Variants in EYS observed in about 807,000 individuals in gnomAD.
The protein encoded by EYS is EGF-like photoreceptor maintenance factor, also known as protein eyes shut homolog.
A neutral mutation model predicts 282.1 loss-of-function variants in EYS; 250 were observed. The ratio of observed to expected loss-of-function variants is 0.89; its 90% CI spans 0.80 to 0.98. EYS has a LOEUF of 0.98. Among genes scored for constraint, EYS ranks in the 50% least tolerant of loss-of-function variants. The pLI is 0.00. For missense variants in EYS, 4,016 were observed against 3,709.0 expected, an observed-to-expected ratio of 1.08 and a Z score of -2.15; for synonymous variants, 1,355 against 1,282.9, an observed-to-expected ratio of 1.06 and a Z score of -1.20.
chr6:65,232,243 A>C (rs1766801307), intron 12 of EYS, among the ~76,000 whole-genome samples: 1 of 152,012 alleles, frequency 6.6e-6, no homozygotes, highest in Admixed American at 6.6e-5. Context: ...GTGCAGATAT[A>C]ATGTCCAAAA....
intron 22 of EYS, among the ~76,000 whole-genome samples, chr6:64,746,735 T>A (rs1023839755): frequency 1.3e-5 from 2 of 152,238 alleles, no homozygotes; most frequent in African/African-American, 4.8e-5. Flanking sequence ...TATAGGCTGA[T>A]GTGCTTTTGT....
intron 35 of EYS, among the ~76,000 whole-genome samples, chr6:63,955,581 G>T (rs1023679510): frequency 5.9e-5 from 9 of 151,960 alleles, no homozygotes; most frequent in African/African-American, 1.9e-4. Flanking sequence ...ACAAACAATT[G>T]CTGGCTTTGC....
intron 30 of EYS, among the ~76,000 whole-genome samples, chr6:64,255,862 T>G (rs1767381487): frequency 6.6e-6 from 1 of 152,066 alleles, no homozygotes; most frequent in Admixed American, 6.6e-5. Flanking sequence ...ACATTTATTA[T>G]GAAAAATTTT....
intron 31 of EYS, among the ~76,000 whole-genome samples, chr6:64,126,625 A>G (rs78333637): frequency 0.035 from 5,274 of 152,130 alleles, 266 homozygotes; most frequent in African/African-American, 0.11. Context: ...CCAGAGCTCT[A>G]TCAGCTTCTT....
chr6:65,391,201 C>A (rs1766015758), intron 7 of EYS, among the ~76,000 whole-genome samples: 1 of 151,892 alleles, frequency 6.6e-6, no homozygotes, highest in Admixed American at 6.6e-5. Flanking sequence ...TTTAGGGGGC[C>A]AGATTACAGG....
chr6:65,000,339 A>G (rs1374315791), intron 13 of EYS, among the ~76,000 whole-genome samples: 1 of 152,232 alleles, frequency 6.6e-6, no homozygotes, highest in Non-Finnish European at 1.5e-5. Context: ...AAATTTTCTT[A>G]AAATAGGCCT....
chr6:64,276,021 AGC>A (rs2150359662), intron 30 of EYS, among the ~76,000 whole-genome samples: 1 of 151,978 alleles, frequency 6.6e-6, no homozygotes, highest in East Asian at 2.0e-4. Flanking sequence ...CTACTGTTAT[AGC>A]TTCTTATCTC....
At chr6:64,626,667 G>A (rs996162229) in intron 22 of EYS, among the ~76,000 whole-genome samples, 2 of 152,134 alleles carry the variant, frequency 1.3e-5, no homozygotes, top group African/African-American at 4.8e-5. Flanking sequence ...GCTGGAAGAG[G>A]AAAGATAAGA....
At chr6:65,137,302 A>G (rs1275204878) in intron 12 of EYS, among the ~76,000 whole-genome samples, 3 of 152,114 alleles carry the variant, frequency 2.0e-5, no homozygotes, top group African/African-American at 7.2e-5. Flanking sequence ...TCAGAGAAGA[A>G]GCAGTGCGGA....
At chr6:64,769,490 A>C (rs1773459638) in intron 22 of EYS, among the ~76,000 whole-genome samples, 1 of 152,094 alleles carries the variant, frequency 6.6e-6, no homozygotes, top group Non-Finnish European at 1.5e-5. Context: ...CTATGTAATA[A>C]CTATTGCTAG....
At chr6:64,419,356 C>A (rs373124200) in intron 28 of EYS, among the ~76,000 whole-genome samples, 48 of 152,238 alleles carry the variant, frequency 3.2e-4, no homozygotes, top group South Asian at 1.9e-3. Flanking sequence ...TGGGTGAGGA[C>A]ACAGCCAAAT....
At chr6:64,566,273 A>G (rs1389454760) in intron 26 of EYS, among the ~76,000 whole-genome samples, 2 of 152,184 alleles carry the variant, frequency 1.3e-5, no homozygotes, top group African/African-American at 2.4e-5. Context: ...TCTTGTATAC[A>G]GGAAAGAAAA....
At chr6:65,270,339 C>T (rs975420995) in intron 12 of EYS, among the ~76,000 whole-genome samples, 56 of 152,234 alleles carry the variant, frequency 3.7e-4, no homozygotes, top group African/African-American at 1.3e-3. Context: ...GGGTAGGTGT[C>T]CTGCCTTCCA....
At chr6:64,941,320 C>T (rs973256566) in intron 15 of EYS, among the ~76,000 whole-genome samples, 11 of 151,896 alleles carry the variant, frequency 7.2e-5, no homozygotes, top group Non-Finnish European at 1.5e-4. Flanking sequence ...GTGGAGGTTG[C>T]AGTGAGCCAA....
chr6:63,981,813 C>A (rs1229537202), intron 35 of EYS, among the ~76,000 whole-genome samples: 1 of 151,834 alleles, frequency 6.6e-6, no homozygotes, highest in African/African-American at 2.4e-5. Context: ...TCCTGAAGAG[C>A]TGATAGAGCT....
intron 2 of EYS, among the ~76,000 whole-genome samples, chr6:65,531,931 C>A (rs1767784987): frequency 6.6e-6 from 1 of 152,042 alleles, no homozygotes; most frequent in South Asian, 2.1e-4. Context: ...GATGTAAATT[C>A]TTTGAACCTA....
At chr6:64,789,248 A>G (rs533234201) in intron 22 of EYS, among the ~76,000 whole-genome samples, 2 of 152,318 alleles carry the variant, frequency 1.3e-5, no homozygotes, top group East Asian at 3.9e-4. Flanking sequence ...TCCTAGAAAT[A>G]CTTTCTAAAC....
intron 19 of EYS, among the ~76,000 whole-genome samples, chr6:64,863,767 T>A (rs887006175): frequency 5.3e-5 from 8 of 152,210 alleles, no homozygotes; most frequent in African/African-American, 7.2e-5. Context: ...AGGAATTTTC[T>A]GAAAACCCTT....
intron 35 of EYS, among the ~76,000 whole-genome samples, chr6:63,937,483 C>G (rs1765105405): frequency 6.7e-6 from 1 of 148,288 alleles, no homozygotes; most frequent in Non-Finnish European, 1.5e-5. Flanking sequence ...CGGGTTCACG[C>G]CATTCTCCTG....
Sources: allele counts gnomAD v4.1 joint callset (sites outside exome capture counted in the v4.1 genomes callset), GRCh38; gene constraint gnomAD v4.1.1; transcripts MANE v1.5; gene names NCBI Gene and HGNC (gene_info 2026-07-23, HGNC 2026-07-21).